ZFP91: variants seen among roughly 807,000 people sequenced by gnomAD.
ZFP91 encodes the protein ZFP91 zinc finger protein, atypical E3 ubiquitin ligase.
In ZFP91, 7 loss-of-function variants were observed where a neutral mutation model predicts 63.5. That is an observed-to-expected ratio of 0.11 (90% CI 0.06 to 0.21). ZFP91 has a LOEUF of 0.21. Among genes scored for constraint, ZFP91 ranks in the 10% least tolerant of loss-of-function variants. The pLI is 1.00. For synonymous variants in ZFP91, 330 were observed against 272.1 expected, an observed-to-expected ratio of 1.21 and a Z score of -2.10; for missense variants, 628 against 736.6, an observed-to-expected ratio of 0.85 and a Z score of 1.71.
chr11:58,606,979 G>C (rs951736091), intron 2 of ZFP91, among the ~76,000 whole-genome samples: 2 of 152,034 alleles, frequency 1.3e-5, no homozygotes, highest in Admixed American at 6.5e-5. Context: ...GACGGGAGCA[G>C]TAGTATTCAA....
intron 2 of ZFP91, among the ~76,000 whole-genome samples, chr11:58,605,158 G>A (rs189092707): frequency 2.0e-5 from 3 of 152,192 alleles, no homozygotes; most frequent in East Asian, 1.9e-4. Flanking sequence ...CTAGTTTAAT[G>A]CCAGTTTAGC....
At chr11:58,612,027 G>T in intron 6 of ZFP91, 1 of 531,598 alleles carries the variant, frequency 1.9e-6, no homozygotes, top group Non-Finnish European at 3.3e-6. Context: ...ATTCTTCTAA[G>T]TCTTTCATAG....
At chr11:58,607,567 G>A (rs1385487536) in intron 2 of ZFP91, among the ~76,000 whole-genome samples, 4 of 151,628 alleles carry the variant, frequency 2.6e-5, no homozygotes, top group African/African-American at 9.7e-5. Flanking sequence ...TTTGATGGTT[G>A]TTTAGAACTG....
rs11426880 is a variant in ZFP91, at chr11:58,618,576, A to AT, written c.*882dup. The AT allele has an allele frequency of 0.26, 90,098 of 349,386 alleles. 4,473 individuals carry two copies. Among genetic ancestry groups the AT allele is most frequent in the South Asian group, 0.3 (13,383 of 44,966 alleles). The allele number at this position is 349,386 out of a possible 1,614,324, so 21.6% of individuals were successfully genotyped here. On this transcript the variant is annotated 3_prime_UTR_variant, in exon 11 of 11. Coordinates refer to ENST00000316059, the MANE Select transcript of ZFP91 (RefSeq NM_053023.5). ...TCCTTATTTATTAACAGGAAGTCTG[A>AT]TTTTTTTTTTTTGGAGTCTTTGTTG...
At chr11:58,616,960 TA>T in intron 10 of ZFP91, 145 bp downstream of exon 10, 1 of 892,894 alleles carries the variant, frequency 1.1e-6, no homozygotes, top group Non-Finnish European at 1.7e-6. Flanking sequence ...CATTAGTTAG[TA>T]GCCTTTTTCT....
At chr11:58,612,167 T>A in intron 6 of ZFP91, 111 bp from the exon 7 acceptor site, 1 of 1,098,926 alleles carries the variant, frequency 9.1e-7, no homozygotes, top group South Asian at 1.5e-5. Context: ...TTCTTGGTTA[T>A]CCTTTGCCAC....
intron 6 of ZFP91, 62 bp from the exon 7 acceptor site, chr11:58,612,216 C>T: frequency 6.5e-7 from 1 of 1,544,430 alleles, no homozygotes; most frequent in South Asian, 1.1e-5. Flanking sequence ...TGTCTTCAGC[C>T]AGCCTTCACT....
chr11:58,617,154 T>C lies in ZFP91; in HGVS notation c.1203-42T>C, dbSNP rs957756155. On this transcript the variant is annotated intron_variant, in intron 10 of 10. Coordinates refer to ENST00000316059, the MANE Select transcript of ZFP91 (RefSeq NM_053023.5). The surrounding 1 kb of genome is among the most constrained non-coding windows in gnomAD (Gnocchi z 4.2). ...TGATCCTGAATAAGAGCACTCTTTA[T>C]TTCTCTGTTGGATCAGCCATTTCCT... 6.5e-7 allele frequency: 1 copy of C among 1,528,084 alleles called. No homozygotes were observed. The highest frequency in any genetic ancestry group is 8.8e-7 in the Non-Finnish European group (1 of 1,142,490). The allele number at this position is 1,528,084 out of a possible 1,614,324, so 94.7% of individuals were successfully genotyped here.
At chr11:58,615,760 G>A (rs1009811516) in intron 9 of ZFP91, among the ~76,000 whole-genome samples, 2 of 152,174 alleles carry the variant, frequency 1.3e-5, no homozygotes, top group African/African-American at 4.8e-5. Flanking sequence ...TGCTGAATCA[G>A]CATATACATT....
intron 2 of ZFP91, among the ~76,000 whole-genome samples, chr11:58,590,772 T>C (rs1590613539): frequency 6.6e-6 from 1 of 152,272 alleles, no homozygotes; most frequent in Non-Finnish European, 1.5e-5. Flanking sequence ...GGATTCCCAC[T>C]GTGTTTAAGA....
chr11:58,579,677 C>A, intron 1 of ZFP91, 55 bp downstream of exon 1: 1 of 1,440,010 alleles, frequency 6.9e-7, no homozygotes, highest in Non-Finnish European at 9.1e-7. Context: ...CGTACGCAAC[C>A]CTCTCGGCTC....
chr11:58,604,027 G>T (rs1855532418), intron 2 of ZFP91, among the ~76,000 whole-genome samples: 1 of 152,160 alleles, frequency 6.6e-6, no homozygotes, highest in Non-Finnish European at 1.5e-5. Context: ...AATGGGTTAA[G>T]ACTCTGGGAG....
chr11:58,584,984 A>T (rs1855180977), intron 2 of ZFP91, 100 bp downstream of exon 2: 1 of 989,532 alleles, frequency 1.0e-6, no homozygotes, highest in South Asian at 3.0e-5. Flanking sequence ...TTTAAAAGGA[A>T]TTTTTATTTG....
intron 2 of ZFP91, among the ~76,000 whole-genome samples, chr11:58,607,435 T>C (rs549681085): frequency 3.9e-5 from 6 of 152,260 alleles, no homozygotes; most frequent in African/African-American, 1.4e-4. Flanking sequence ...CTGAATGGCC[T>C]TTGAGGTATT....
chr11:58,612,289 G>A lies in ZFP91; in HGVS notation c.869G>A (p.Arg290Lys). The change falls in exon 7 of 11, where the codon AGA (arginine) becomes AAA (lysine). Residue 290 changes from arginine (R) to lysine (K), a missense_variant. Transcript: ENST00000316059. ...GTCTTCAATTACAGGAGAGGAAGAA[G>A]ACGAAAAGATGACAAAAGTCCACGT... The part of the protein sequence containing the change: ...DEEPPRKRGR[R>K]RKDDKSPRLP... 1 of 1,613,696 alleles carries A rather than the reference G, an allele frequency of 6.2e-7. No individual in the cohort carries two copies.
At chr11:58,579,728 C>T in intron 1 of ZFP91, 106 bp downstream of exon 1, 1 of 1,128,838 alleles carries the variant, frequency 8.9e-7, no homozygotes, top group South Asian at 1.8e-5. Flanking sequence ...CTGGTCTGCC[C>T]CCTGCCGGCT....
At chr11:58,606,059 T>G (rs1354902645) in intron 2 of ZFP91, among the ~76,000 whole-genome samples, 1 of 152,176 alleles carries the variant, frequency 6.6e-6, no homozygotes, top group Non-Finnish European at 1.5e-5. Context: ...TTTTTTTCTC[T>G]TAGTTCCTTT....
intron 2 of ZFP91, among the ~76,000 whole-genome samples, chr11:58,607,396 TG>T (rs1160651128): frequency 6.6e-6 from 1 of 152,176 alleles, no homozygotes; most frequent in Non-Finnish European, 1.5e-5. Context: ...AGATACTTTA[TG>T]GGTAAAACGT....
In ZFP91 at chr11:58,618,576, ATTT is replaced by A; in HGVS notation, c.*880_*882del. ...TCCTTATTTATTAACAGGAAGTCTG[ATTT>A]TTTTTTTTTGGAGTCTTTGTTGCTA... On this transcript the variant is annotated 3_prime_UTR_variant, in exon 11 of 11. Transcript: ENST00000316059. 8.3e-6 allele frequency: 3 copies of A among 362,924 alleles called. No homozygotes were observed. Among genetic ancestry groups the A allele is most frequent in the Admixed American group, 3.6e-5 (1 of 27,744 alleles). The allele number at this position is 362,924 out of a possible 1,614,324, so 22.5% of individuals were successfully genotyped here.
Sources: allele counts gnomAD v4.1 joint callset (sites outside exome capture counted in the v4.1 genomes callset), GRCh38; gene constraint gnomAD v4.1.1; non-coding constraint Gnocchi (gnomAD v3.1); transcripts MANE v1.5; gene names NCBI Gene and HGNC (gene_info 2026-07-23, HGNC 2026-07-21).